The following EFCAB8 variants were observed in gnomAD, a reference collection of about 807,000 sequenced individuals.
EFCAB8 encodes EF-hand calcium binding domain 8.
A neutral mutation model predicts 116.3 loss-of-function variants in EFCAB8; 100 were observed. That is an observed-to-expected ratio of 0.86 (90% CI 0.73 to 1.02). The LOEUF is 1.02. Ranked by LOEUF, EFCAB8 falls within the 50% of genes least tolerant of loss-of-function variation. The pLI, the probability that EFCAB8 is intolerant of heterozygous loss-of-function variation, is 0.00. For missense variants in EFCAB8, 1,320 were observed against 1,416.9 expected (o/e 0.93, Z 1.10); for synonymous variants, 558 against 567.9 (o/e 0.98, Z 0.25).
At chr20:32,893,824 A>G (rs987267488) in intron 9 of EFCAB8, among the ~76,000 whole-genome samples, 21 of 152,038 alleles carry the variant, frequency 1.4e-4, no homozygotes, top group Admixed American at 2.0e-4. Context: ...AGCGCTTTGC[A>G]TGCATCACCT....
intron 15 of EFCAB8, among the ~76,000 whole-genome samples, chr20:32,910,670 A>T (rs1193790012): frequency 2.0e-5 from 3 of 152,024 alleles, no homozygotes; most frequent in Admixed American, 6.6e-5. Flanking sequence ...TTTAAAATTT[A>T]AAAAAATTAT....
intron 4 of EFCAB8, among the ~76,000 whole-genome samples, 197 bp from the exon 5 acceptor site, chr20:32,878,507 T>TC (rs1244584179): frequency 3.1e-5 from 4 of 128,042 alleles, no homozygotes; most frequent in Admixed American, 8.1e-5. Context: ...AGGCTTGAGT[T>TC]CTTTTTTTTT....
chr20:32,931,258 A>G lies in EFCAB8; in HGVS notation c.2712A>G (p.Ala904=). The change falls in exon 22 of 27, where the codon GCA becomes GCG. Residue 904 remains alanine (A), a synonymous_variant. Coordinates refer to ENST00000400522, the MANE Select transcript of EFCAB8 (RefSeq NM_001143967.2). ...GTGGGGCCAAGGTTGTCTCTGAAGC[A>G]CACAACAAGTTCCGGTTGTTAATTC... The part of the protein sequence containing the change: ...QSSGAKVVSE[A]HNKFRLLIPQ... 6.4e-7 allele frequency: 1 copy of G among 1,551,648 alleles called. No individual in the cohort carries two copies. The highest frequency in any genetic ancestry group is 8.7e-7 in the Non-Finnish European group (1 of 1,146,934).
intron 17 of EFCAB8, among the ~76,000 whole-genome samples, chr20:32,914,756 G>T (rs572219496): frequency 5.3e-5 from 8 of 152,244 alleles, no homozygotes; most frequent in African/African-American, 1.7e-4. Context: ...CTCCTACCAG[G>T]TCCCTCCCTC....
chr20:32,888,514 G>A (rs1048964230), intron 6 of EFCAB8, among the ~76,000 whole-genome samples: 2 of 152,020 alleles, frequency 1.3e-5, no homozygotes, highest in African/African-American at 2.4e-5. Context: ...GAGCCACTGC[G>A]CCCAGCCTTT....
At position 32,896,491 on chromosome 20, in the gene EFCAB8, TGA is replaced by T; in HGVS notation, c.924_925del (p.Lys309ValfsTer5). 1 of 719,078 alleles carries T rather than the reference TGA, an allele frequency of 1.4e-6. No homozygotes were observed. The highest frequency in any genetic ancestry group is 2.6e-6 in the Non-Finnish European group (1 of 385,198). The allele number at this position is 719,078 out of a possible 1,614,324, so 44.5% of individuals were successfully genotyped here. A position where few individuals can be genotyped will look rare whatever the true frequency, so the allele number is the denominator to read the frequency against. On this transcript the variant is annotated frameshift_variant, in exon 10 of 27. Coordinates refer to ENST00000400522, the MANE Select transcript of EFCAB8 (RefSeq NM_001143967.2). LOFTEE classifies it high-confidence loss of function. ...IKVSLQKLLNEKSALHRSYRL... is the reference protein window; with the variant it reads ...IKVSLQKLLNXKSALHRSYRL... Reference sequence around the variant, plus strand: ...AAGTTTCCTTGCAGAAACTCTTAAATGAGAAGTCTGCTTTGCATAGAAGCTAC... The same window carrying T: ...AAGTTTCCTTGCAGAAACTCTTAAATGAAGTCTGCTTTGCATAGAAGCTAC...
At chr20:32,953,573 T>C (rs546354974) in intron 23 of EFCAB8, among the ~76,000 whole-genome samples, 2 of 152,348 alleles carry the variant, frequency 1.3e-5, no homozygotes, top group South Asian at 4.1e-4. Context: ...CTCTAATGAT[T>C]CATGAGGTTG....
chr20:32,955,910 AT>A (rs1373191112), intron 23 of EFCAB8, among the ~76,000 whole-genome samples: 2 of 151,986 alleles, frequency 1.3e-5, no homozygotes, highest in Admixed American at 6.5e-5. Flanking sequence ...ATTGAGTCTT[AT>A]TTTTTTCATC....
chr20:32,870,886 T>G (rs146075606), intron 3 of EFCAB8, among the ~76,000 whole-genome samples: 1,842 of 151,420 alleles, frequency 0.012, 18 homozygotes, highest in Non-Finnish European at 0.019. Context: ...TGAAATGGAG[T>G]CTCACTCTGT....
rs35298078 is a variant in EFCAB8 at position 32,913,016 on chromosome 20, C to A, written c.1856+152C>A. Among the ~76,000 whole-genome samples the A allele has an allele frequency of 3.1e-3, 470 of 152,252 alleles. 2 individuals are homozygous for A. Among genetic ancestry groups the A allele is most frequent in the African/African-American group, 0.011 (446 of 41,554 alleles). ...CTATTGCTTCATCTGCTCATCCATC[C>A]ATTTATTCATTATTCATTGAGGCTA... On this transcript the variant is annotated intron_variant, in intron 17 of 26. Coordinates refer to ENST00000400522, the MANE Select transcript of EFCAB8 (RefSeq NM_001143967.2).
chr20:32,860,894 A>G (rs904104927), intron 1 of EFCAB8, among the ~76,000 whole-genome samples: 2 of 152,012 alleles, frequency 1.3e-5, no homozygotes, highest in Non-Finnish European at 2.9e-5. Context: ...GAGTGTCACC[A>G]TACCCAGATA....
chr20:32,920,605 A>G lies in EFCAB8; in HGVS notation c.2412+390A>G, dbSNP rs145694096. ...CGGAAACCCCTGATAAACCCATCAG[A>G]TCTCGCTGAGACTTGTTCACTATCA... is the stretch of plus-strand genomic sequence containing the variant. On this transcript the variant is annotated intron_variant, in intron 20 of 26. Coordinates refer to ENST00000400522, the MANE Select transcript of EFCAB8 (RefSeq NM_001143967.2). Among the ~76,000 whole-genome samples the G allele has an allele frequency of 5.2e-3, 792 of 152,264 alleles. 6 individuals carry two copies. The highest frequency in any genetic ancestry group is 0.016 in the African/African-American group (668 of 41,554).
chr20:32,871,466 G>A lies in EFCAB8; in HGVS notation c.208+3719G>A, dbSNP rs188713406. On this transcript the variant is annotated intron_variant, in intron 3 of 26. Coordinates refer to ENST00000400522, the MANE Select transcript of EFCAB8 (RefSeq NM_001143967.2). ...TTTTTTCATTTTTATTTTCTGTAGA[G>A]ATGGTGTCTTGCTATGCTGTATTCC... is the stretch of plus-strand genomic sequence containing the variant. 2.7e-4 allele frequency among the ~76,000 whole-genome samples: 41 copies of A among 152,010 alleles called. 1 individual carries two copies. The East Asian group carries it at 7.3e-3, about 27-fold the overall frequency.
chr20:32,884,973 G>T (rs1455355480), intron 5 of EFCAB8, among the ~76,000 whole-genome samples: 1 of 152,238 alleles, frequency 6.6e-6, no homozygotes, highest in Non-Finnish European at 1.5e-5. Context: ...CCCCGGAGCT[G>T]TTGGCTGTAG....
Position 32,920,343 on chromosome 20 carries a change from A to G in EFCAB8, c.2412+128A>G. On this transcript the variant is annotated intron_variant, in intron 20 of 26. Coordinates refer to ENST00000400522, the MANE Select transcript of EFCAB8 (RefSeq NM_001143967.2). ...TGATTCTCCCCAGTGCCCGGAAGGC[A>G]TCTTGGAGAGGATGGAGACGCTCAG... 9 of 1,312,676 alleles carry G rather than the reference A, an allele frequency of 6.9e-6. No homozygotes were observed. In the South Asian group the frequency reaches 1.1e-4, roughly 16 times the overall value. The allele number at this position is 1,312,676 out of a possible 1,614,324, so 81.3% of individuals were successfully genotyped here.
intron 4 of EFCAB8, among the ~76,000 whole-genome samples, chr20:32,878,242 G>A (rs183829086): frequency 1.6e-4 from 24 of 151,924 alleles, no homozygotes; most frequent in Middle Eastern, 3.4e-3. Context: ...CTCCAGCCTG[G>A]GTGACAGAGC....
chr20:32,931,418 C>A, intron 22 of EFCAB8, 82 bp downstream of exon 22: 2 of 1,400,540 alleles, frequency 1.4e-6, no homozygotes, highest in Admixed American at 3.2e-5. Context: ...AACTCATACC[C>A]AAGAGAAATA....
chr20:32,956,734 A>G (rs1273685535), intron 23 of EFCAB8, among the ~76,000 whole-genome samples: 1 of 151,992 alleles, frequency 6.6e-6, no homozygotes, highest in East Asian at 1.9e-4. Context: ...TGATGTGCGT[A>G]AGTGTGGTTT....
Position 32,909,816 on chromosome 20 carries a change from T to C in EFCAB8, c.1447-5T>C. On this transcript the variant is annotated splice_polypyrimidine_tract_variant and splice_region_variant and intron_variant, in intron 14 of 26. Transcript: ENST00000400522. ...CAAGCTCTCTGCCCCTTTCCTCACC[T>C]ACAGATCGGGATCCTAAAAGGGTAC... 8.0e-7 allele frequency: 1 copy of C among 1,245,466 alleles called. No individual in the cohort carries two copies. Among genetic ancestry groups the C allele is most frequent in the Non-Finnish European group, 1.0e-6 (1 of 984,240 alleles). The allele number at this position is 1,245,466 out of a possible 1,614,324, so 77.2% of individuals were successfully genotyped here.
Sources: gnomAD v4.1 joint callset for allele counts (sites outside exome capture counted in the v4.1 genomes callset) on GRCh38, gnomAD v4.1.1 for gene constraint, MANE v1.5 for transcripts, NCBI Gene and HGNC (gene_info 2026-07-23, HGNC 2026-07-21) for gene names.